Variants in CALN1 observed in about 807,000 individuals in gnomAD.
CALN1 encodes the protein calneuron 1, also known as calcium-binding protein 8.
CALN1 carries 17 observed loss-of-function variants against 30.6 expected under a neutral mutation model. That is an observed-to-expected ratio of 0.56 (90% CI 0.38 to 0.83). CALN1 has a LOEUF of 0.83. Ranked by LOEUF, CALN1 falls within the 40% of genes least tolerant of loss-of-function variation. The pLI, the probability that CALN1 is intolerant of heterozygous loss-of-function variation, is 0.00. For missense variants in CALN1, 291 were observed against 354.9 expected (o/e 0.82, Z 1.45); for synonymous variants, 156 against 131.4 (o/e 1.19, Z -1.28).
In CALN1 at chr7:71,947,552, G is replaced by A. The variant is rs1054281959; in HGVS notation, c.501+76105C>T. Among the ~76,000 whole-genome samples the A allele has an allele frequency of 1.4e-4, 21 of 152,278 alleles. 1 individual carries two copies. Among genetic ancestry groups the A allele is most frequent in the Admixed American group, 1.3e-3 (20 of 15,284 alleles). On this transcript the variant is annotated intron_variant, in intron 5 of 6. Coordinates refer to ENST00000395275, the MANE Select transcript of CALN1 (RefSeq NM_031468.4). ...TCTGAAAATATCACTGGGCTTAAAA[G>A]TGAAGAAAATTATACTGGAGGTTTT...
At chr7:72,246,131 C>T (rs1477602607) in intron 3 of CALN1, among the ~76,000 whole-genome samples, 1 of 152,180 alleles carries the variant, frequency 6.6e-6, no homozygotes, top group East Asian at 1.9e-4. Flanking sequence ...CTTTCCAGTT[C>T]CACTTCCTGT....
chr7:72,345,031 CAT>C (rs113791441), intron 2 of CALN1, among the ~76,000 whole-genome samples: 95 of 147,094 alleles, frequency 6.5e-4, no homozygotes, highest in Admixed American at 1.7e-3. Flanking sequence ...TATAATGGCA[CAT>C]GTTATATATT....
chr7:72,411,804 T>A (rs1471604107), intron 1 of CALN1, among the ~76,000 whole-genome samples: 2 of 152,056 alleles, frequency 1.3e-5, no homozygotes. Flanking sequence ...TCTTTTAAAG[T>A]AATAAGAAAA....
intron 3 of CALN1, among the ~76,000 whole-genome samples, chr7:72,244,299 C>G (rs764570811): frequency 5.3e-5 from 8 of 152,176 alleles, no homozygotes; most frequent in Non-Finnish European, 7.3e-5. Context: ...ATCCCTCAAA[C>G]TCTGATTATT....
the CALN1 span, among the ~76,000 whole-genome samples, chr7:72,503,665 C>T: frequency 2.0e-5 from 3 of 151,954 alleles, no homozygotes; most frequent in South Asian, 6.2e-4. Flanking sequence ...CCGAGGAAGC[C>T]AGTACCAGTA....
intron 2 of CALN1, among the ~76,000 whole-genome samples, chr7:72,317,217 G>A (rs1436703640): frequency 7.7e-6 from 1 of 130,228 alleles, no homozygotes; most frequent in African/African-American, 2.9e-5. Context: ...GGGAGGAAGA[G>A]AGAAAGAAAG....
At chr7:72,317,584 C>A (rs936005495) in intron 2 of CALN1, among the ~76,000 whole-genome samples, 1 of 152,172 alleles carries the variant, frequency 6.6e-6, no homozygotes, top group African/African-American at 2.4e-5. Context: ...GGAGACAGAA[C>A]TGTGACCACA....
intron 5 of CALN1, among the ~76,000 whole-genome samples, chr7:71,940,145 C>T (rs1216727444): frequency 6.6e-6 from 1 of 152,162 alleles, no homozygotes; most frequent in Non-Finnish European, 1.5e-5. Flanking sequence ...TTTTTCCAGG[C>T]TCTGATCTCC....
At chr7:72,408,917 A>G (rs931341283) in intron 1 of CALN1, among the ~76,000 whole-genome samples, 6 of 151,776 alleles carry the variant, frequency 4.0e-5, no homozygotes, top group African/African-American at 1.5e-4. Flanking sequence ...GGCTCAAGTA[A>G]TCTACCCACC....
intron 3 of CALN1, among the ~76,000 whole-genome samples, chr7:72,248,749 GA>G (rs1395926016): frequency 1.3e-5 from 2 of 151,394 alleles, no homozygotes; most frequent in African/African-American, 2.4e-5. Context: ...TCTTTAGGGG[GA>G]TATCTTTGGG....
At chr7:71,998,523 A>G (rs1226670085) in intron 5 of CALN1, among the ~76,000 whole-genome samples, 5 of 152,148 alleles carry the variant, frequency 3.3e-5, no homozygotes, top group African/African-American at 1.2e-4. Context: ...CGATACCAGT[A>G]AAGTCTGATG....
At chr7:71,808,827 A>G (rs1787770168) in intron 6 of CALN1, among the ~76,000 whole-genome samples, 1 of 152,058 alleles carries the variant, frequency 6.6e-6, no homozygotes, top group Non-Finnish European at 1.5e-5. Context: ...GGCTCACATC[A>G]TCTGTCAGCC....
chr7:72,320,660 C>T (rs1319404841), intron 2 of CALN1, among the ~76,000 whole-genome samples: 1 of 151,876 alleles, frequency 6.6e-6, no homozygotes, highest in African/African-American at 2.4e-5. Context: ...CATGGCAAAA[C>T]CCCATCTCTA....
At chr7:71,880,725 C>T (rs1792512888) in intron 5 of CALN1, among the ~76,000 whole-genome samples, 1 of 152,160 alleles carries the variant, frequency 6.6e-6, no homozygotes, top group South Asian at 2.1e-4. Context: ...AGTTAAATAA[C>T]TAACAATAAA....
chr7:72,456,715 G>A, the CALN1 span, among the ~76,000 whole-genome samples: 1 of 151,728 alleles, frequency 6.6e-6, no homozygotes, highest in Non-Finnish European at 1.5e-5. Context: ...GAGTGGTGGC[G>A]TGCACTTGTA....
intron 5 of CALN1, among the ~76,000 whole-genome samples, chr7:71,909,455 A>C (rs1195557290): frequency 6.6e-6 from 1 of 152,130 alleles, no homozygotes; most frequent in Non-Finnish European, 1.5e-5. Context: ...AAAAAAAAGC[A>C]GACTGCTAAT....
chr7:72,259,775 T>C (rs1302569636), intron 3 of CALN1, among the ~76,000 whole-genome samples: 1 of 152,226 alleles, frequency 6.6e-6, no homozygotes, highest in Admixed American at 6.5e-5. Context: ...TCATTGCTCC[T>C]TCCTCAGTCT....
intron 3 of CALN1, among the ~76,000 whole-genome samples, chr7:72,261,178 C>G (rs151314027): frequency 6.6e-6 from 1 of 152,062 alleles, no homozygotes; most frequent in Non-Finnish European, 1.5e-5. Flanking sequence ...TGTGGTGGCA[C>G]GCACCTGTGA....
chr7:71,968,703 C>G (rs1303534253), intron 5 of CALN1, among the ~76,000 whole-genome samples: 1 of 150,508 alleles, frequency 6.6e-6, no homozygotes, highest in African/African-American at 2.4e-5. Flanking sequence ...GAAATATTCT[C>G]TATCTTTAAT....
Sources: allele counts gnomAD v4.1 joint callset (sites outside exome capture counted in the v4.1 genomes callset), GRCh38; gene constraint gnomAD v4.1.1; transcripts MANE v1.5; gene names NCBI Gene and HGNC (gene_info 2026-07-23, HGNC 2026-07-21).